PITPNA: variants seen among roughly 807,000 people sequenced by gnomAD.
PITPNA encodes phosphatidylinositol transfer protein alpha isoform.
Under a neutral mutation model 50.3 loss-of-function variants are expected in PITPNA, and 13 were observed. The observed-to-expected ratio is 0.26, with a 90% CI of 0.17 to 0.41. The LOEUF is 0.41. PITPNA is among the 10% of genes least tolerant of loss of function. The pLI, the probability that PITPNA is intolerant of heterozygous loss-of-function variation, is 1.00. For synonymous variants in PITPNA, 120 were observed against 119.6 expected (o/e 1.00, Z -0.02); for missense variants, 207 against 333.4 (o/e 0.62, Z 2.95).
At chr17:1,550,779 G>A (rs764397208) in intron 3 of PITPNA, among the ~76,000 whole-genome samples, 3 of 152,152 alleles carry the variant, frequency 2.0e-5, no homozygotes, top group Admixed American at 6.6e-5. Context: ...CAGACAGCAC[G>A]GACTTCGTCC....
chr17:1,556,227 C>T (rs1490580346), intron 2 of PITPNA, among the ~76,000 whole-genome samples: 1 of 152,224 alleles, frequency 6.6e-6, no homozygotes, highest in Non-Finnish European at 1.5e-5. Context: ...ACCCAGGCCA[C>T]GTGGTACTTT....
intron 1 of PITPNA, among the ~76,000 whole-genome samples, chr17:1,560,977 C>G (rs2075765088): frequency 6.6e-6 from 1 of 152,166 alleles, no homozygotes; most frequent in Non-Finnish European, 1.5e-5. Flanking sequence ...TGGGGATGGT[C>G]AAAGTGCGAT....
chr17:1,555,347 G>C (rs552491248), intron 2 of PITPNA, among the ~76,000 whole-genome samples: 223 of 152,282 alleles, frequency 1.5e-3, no homozygotes, highest in African/African-American at 5.1e-3. Context: ...TAATCTAAAG[G>C]GGTAAGCAAG....
In PITPNA at chr17:1,536,350, C is replaced by T. The variant is rs1045364244; in HGVS notation, c.457-832G>A. 7.3e-5 allele frequency among the ~76,000 whole-genome samples: 11 copies of T among 149,680 alleles called. No homozygotes were observed. The South Asian group carries it at 8.4e-4, about 11-fold the overall frequency. On this transcript the variant is annotated intron_variant, in intron 7 of 11. Coordinates refer to ENST00000313486, the MANE Select transcript of PITPNA (RefSeq NM_006224.4). ...TTGGCCAGGCTGGAGTGCAGTAGCG[C>T]GATCTCGGCTCACTGCAAGCTCCAT...
At chr17:1,541,884 A>G in intron 5 of PITPNA, 1 of 594,320 alleles carries the variant, frequency 1.7e-6, no homozygotes, top group Admixed American at 2.2e-5. Context: ...AGGTTCAAAG[A>G]GGTTAGGTGA....
intron 1 of PITPNA, among the ~76,000 whole-genome samples, chr17:1,559,031 T>C (rs780877632): frequency 2.0e-5 from 3 of 152,202 alleles, no homozygotes; most frequent in African/African-American, 2.4e-5. Context: ...GGACCTATCA[T>C]GGTGAGGATT....
intron 11 of PITPNA, 111 bp downstream of exon 11, chr17:1,521,468 C>T: frequency 4.0e-6 from 3 of 749,662 alleles, no homozygotes; most frequent in Non-Finnish European, 7.3e-6. Context: ...ACCATCATTA[C>T]TAGAGGGAAG....
intron 5 of PITPNA, among the ~76,000 whole-genome samples, chr17:1,541,956 T>C (rs1386269198): frequency 6.6e-6 from 1 of 151,880 alleles, no homozygotes; most frequent in East Asian, 1.9e-4. Context: ...TCTCAGCACT[T>C]TGGGAGGCCG....
intron 1 of PITPNA, among the ~76,000 whole-genome samples, chr17:1,560,095 CAG>C (rs1323611707): frequency 6.6e-6 from 1 of 152,196 alleles, no homozygotes; most frequent in African/African-American, 2.4e-5. Context: ...GAAAAATCAA[CAG>C]GGGCAACCTG....
chr17:1,556,381 G>A (rs35067706), intron 2 of PITPNA, among the ~76,000 whole-genome samples: 3,463 of 152,196 alleles, frequency 0.023, 57 homozygotes, highest in Non-Finnish European at 0.032. Flanking sequence ...CAATGCTGCA[G>A]AAAAACCATC....
At chr17:1,543,372 G>A (rs1209004628) in intron 4 of PITPNA, among the ~76,000 whole-genome samples, 1 of 152,126 alleles carries the variant, frequency 6.6e-6, no homozygotes, top group East Asian at 1.9e-4. Flanking sequence ...GTTCTCCGGC[G>A]CCTCCCACCC....
chr17:1,558,504 T>C (rs201955528), intron 2 of PITPNA, 25 bp downstream of exon 2: 1 of 1,530,948 alleles, frequency 6.5e-7, no homozygotes, highest in Non-Finnish European at 9.0e-7. Context: ...CACACAACTA[T>C]GGACCAGAAA....
chr17:1,542,781 G>A (rs1016704200), intron 5 of PITPNA, among the ~76,000 whole-genome samples: 4 of 152,202 alleles, frequency 2.6e-5, no homozygotes, highest in Non-Finnish European at 4.4e-5. Context: ...GAGCCACTGT[G>A]TCCATGTCAG....
chr17:1,536,483 G>C (rs563485317), intron 7 of PITPNA, among the ~76,000 whole-genome samples: 3 of 151,970 alleles, frequency 2.0e-5, no homozygotes. Context: ...TAGAGACGGG[G>C]TTTCACCGTG....
intron 7 of PITPNA, among the ~76,000 whole-genome samples, chr17:1,536,252 CTCAT>C (rs2151006465): frequency 6.6e-6 from 1 of 151,840 alleles, no homozygotes; most frequent in Non-Finnish European, 1.5e-5. Flanking sequence ...ATTTCTCTCT[CTCAT>C]AAAGTATTTC....
At chr17:1,560,192 T>A (rs1567589495) in intron 1 of PITPNA, among the ~76,000 whole-genome samples, 1 of 152,184 alleles carries the variant, frequency 6.6e-6, no homozygotes, top group Non-Finnish European at 1.5e-5. Context: ...GCTGCTGACG[T>A]GACGGCTGCA....
intron 10 of PITPNA, among the ~76,000 whole-genome samples, chr17:1,529,081 T>C (rs942991353): frequency 9.3e-5 from 13 of 139,756 alleles, no homozygotes; most frequent in African/African-American, 3.0e-4. Context: ...GAGGTTGCAG[T>C]GAGCCGAGAT....
Position 1,535,235 on chromosome 17 carries a change from C to T in PITPNA, c.592G>A (p.Val198Ile), listed in dbSNP as rs1470316645. ...PYMCAYKLVT[V>I]KFKWWGLQNK... is the part of the protein sequence containing the mutation. ...TGCAGGCCCCACCACTTGAACTTGA[C>T]GGTCACCAGTTTGTATGCACACATA... The change falls in exon 9 of 12, where the codon GTC (valine) becomes ATC (isoleucine). Residue 198 changes from valine (V) to isoleucine (I), a missense_variant. Transcript: ENST00000313486. 9.3e-6 allele frequency: 15 copies of T among 1,613,884 alleles called. No individual in the cohort carries two copies. Among genetic ancestry groups the T allele is most frequent in the Non-Finnish European group, 1.2e-5 (14 of 1,179,708 alleles).
At chr17:1,527,794 C>T (rs2075556451) in intron 10 of PITPNA, among the ~76,000 whole-genome samples, 2 of 152,164 alleles carry the variant, frequency 1.3e-5, no homozygotes, top group Non-Finnish European at 2.9e-5. Context: ...TTACCATTGG[C>T]AAAAACTGGG....
Sources: gnomAD v4.1 joint callset for allele counts (sites outside exome capture counted in the v4.1 genomes callset) on GRCh38, gnomAD v4.1.1 for gene constraint, MANE v1.5 for transcripts, NCBI Gene and HGNC (gene_info 2026-07-23, HGNC 2026-07-21) for gene names.